GMIP: variants seen among roughly 807,000 people sequenced by gnomAD.
GMIP encodes GEM-interacting protein.
GMIP carries 54 observed loss-of-function variants against 105.3 expected under a neutral mutation model. The observed-to-expected ratio is 0.51, with a 90% CI of 0.41 to 0.64. The LOEUF is 0.64. Among genes scored for constraint, GMIP ranks in the 30% least tolerant of loss-of-function variants. The probability of loss-of-function intolerance (pLI) is 0.00; values close to 1 mark genes in which losing one functional copy is unlikely to be tolerated. For synonymous variants in GMIP, 541 were observed against 560.8 expected, an observed-to-expected ratio of 0.96 and a Z score of 0.50; for missense variants, 1,110 against 1,319.4, an observed-to-expected ratio of 0.84 and a Z score of 2.46.
Position 19,635,553 on chromosome 19 carries a change from C to T in GMIP, c.1422G>A (p.Leu474=), listed in dbSNP as rs753694296. The T allele has an allele frequency of 3.7e-6, 6 of 1,613,850 alleles. No individual in the cohort carries two copies. The African/African-American group carries it at 5.3e-5, about 14-fold the overall frequency. The change falls in exon 15 of 21, where the codon CTG becomes CTA. Residue 474 remains leucine (L), a synonymous_variant. Transcript: ENST00000203556. This position sits in a 1 kb window ranked among gnomAD's most constrained non-coding sequence, Gnocchi z 4.7. ...CGAAGGGGCTGCCCAGCCCATTCTC[C>T]AGCCCGTCTCCCAGGTCTGCAGGGA... The part of the protein sequence containing the change: ...EERDPDLGDG[L]ENGLGSPFGK...
At position 19,638,450 on chromosome 19, in the gene GMIP, C is replaced by A; in HGVS notation, c.570G>T (p.Lys190Asn). The A allele has an allele frequency of 6.2e-7, 1 of 1,614,208 alleles. No individual in the cohort carries two copies. Among genetic ancestry groups the A allele is most frequent in the Non-Finnish European group, 8.5e-7 (1 of 1,180,030 alleles). ...PLAAKRTEIE[K>N]WRKEFKEQWM... Reference sequence around the variant, plus strand: ...ACTGCTCCTTGAACTCCTTCCGCCACTTCTCAATCTCAGTCCGTTTGGCGG... The same window carrying A: ...ACTGCTCCTTGAACTCCTTCCGCCAATTCTCAATCTCAGTCCGTTTGGCGG... Residue 190 changes from lysine (K) to asparagine (N), a missense_variant, in exon 8 of 21, where the codon AAG becomes AAT. Lys to Asn is a moderately conservative substitution (Grantham distance 94, BLOSUM62 0). Coordinates refer to ENST00000203556, the MANE Select transcript of GMIP (RefSeq NM_016573.4).
chr19:19,643,204 C>G (rs560494357), intron 1 of GMIP: 2 of 369,732 alleles, frequency 5.4e-6, no homozygotes, highest in Non-Finnish European at 9.8e-6. Flanking sequence ...CCGCGTTGCC[C>G]TCTCCCTCAG....
chr19:19,635,284 T>A lies in GMIP; in HGVS notation c.1561-71A>T. On this transcript the variant is annotated intron_variant, in intron 15 of 20. Coordinates refer to ENST00000203556, the MANE Select transcript of GMIP (RefSeq NM_016573.4). The surrounding 1 kb of genome is among the most constrained non-coding windows in gnomAD (Gnocchi z 4.7). ...GGGGAAGAGAAGGTTACAAGGATCCTCAAGGAATGGGGGCTCATGGGAGAC... is the reference window on the plus strand; with the variant it reads ...GGGGAAGAGAAGGTTACAAGGATCCACAAGGAATGGGGGCTCATGGGAGAC... 6.5e-7 allele frequency: 1 copy of A among 1,533,784 alleles called. No homozygotes were observed. Among genetic ancestry groups the A allele is most frequent in the Non-Finnish European group, 8.9e-7 (1 of 1,119,010 alleles).
intron 2 of GMIP, 102 bp from the exon 3 acceptor site, chr19:19,642,153 G>A (rs1324049158): frequency 7.4e-6 from 5 of 679,922 alleles, no homozygotes; most frequent in African/African-American, 3.6e-5. Context: ...TCACCTCTGT[G>A]GCATCTCTTG....
At position 19,634,825 on chromosome 19, in the gene GMIP, G is replaced by A. The variant is rs750217587; in HGVS notation, c.1854C>T (p.Asp618=). The A allele has an allele frequency of 8.1e-6, 13 of 1,613,712 alleles. No individual in the cohort carries two copies. Among genetic ancestry groups the A allele is most frequent in the East Asian group, 2.2e-5 (1 of 44,890 alleles). ...GAAATCGCTTGAGGACACTCGAGAC[G>A]TCATGAGGCGAGTTCCCCGACAGCT... ...LVELSGNSPH[D]VSSVLKRFLQ... The change falls in exon 17 of 21, where the codon GAC becomes GAT. Residue 618 remains aspartate (D), a synonymous_variant. Transcript: ENST00000203556. The surrounding 1 kb of genome is among the most constrained non-coding windows in gnomAD (Gnocchi z 6.1).
In GMIP at chr19:19,638,252, C is replaced by T; in HGVS notation, c.696G>A (p.Gln232=). The change falls in exon 9 of 21, where the codon CAG becomes CAA. Residue 232 remains glutamine, a synonymous_variant. Transcript: ENST00000203556. ...GGGGGGCCGAGTCCTCAGGGGACCC[C>T]TGGGAGCGTGCCCGCAGGTCCTCGC... is the stretch of plus-strand genomic sequence containing the variant. ...QRSEDLRARS[Q]GSPEDSAPQA... 2 of 1,604,402 alleles carry T rather than the reference C, an allele frequency of 1.2e-6. No homozygotes were observed. The highest frequency in any genetic ancestry group is 2.2e-5 in the South Asian group (2 of 90,914).
In GMIP at chr19:19,637,389, T is replaced by C. The variant is rs774931632; in HGVS notation, c.1100A>G (p.Gln367Arg). 1.3e-6 allele frequency: 2 copies of C among 1,508,410 alleles called. No homozygotes were observed. The highest frequency in any genetic ancestry group is 1.3e-5 in the South Asian group (1 of 74,474). 93.4% of individuals were successfully genotyped at this position (1,508,410 alleles called of 1,614,324 possible). The change falls in exon 11 of 21, where the codon CAG becomes CGG. Residue 367 changes from glutamine to arginine, a missense_variant. Coordinates refer to ENST00000203556, the MANE Select transcript of GMIP (RefSeq NM_016573.4). The surrounding 1 kb of genome is among the most constrained non-coding windows in gnomAD (Gnocchi z 6.7). Reference sequence around the variant, plus strand: ...CCTGTTCAAGGAGGGAAGGAACTCCTGGAAGGAGAAGGCGGGCGGCGGGGG... The same window carrying C: ...CCTGTTCAAGGAGGGAAGGAACTCCCGGAAGGAGAAGGCGGGCGGCGGGGG... Reference protein sequence around the residue: ...PPPPPPAFSFQEFLPSLNSSP... With the variant: ...PPPPPPAFSFREFLPSLNSSP...
At chr19:19,640,213 T>A in intron 6 of GMIP, 21 bp from the exon 7 acceptor site, 1 of 1,561,298 alleles carries the variant, frequency 6.4e-7, no homozygotes, top group East Asian at 2.4e-5. Context: ...CAGAGTGGTG[T>A]AGGAGGATAC....
In GMIP at chr19:19,629,685, A is replaced by G. The variant is rs1487144961; in HGVS notation, c.*278T>C. 4.2e-6 allele frequency: 2 copies of G among 472,694 alleles called. No individual in the cohort carries two copies. Among genetic ancestry groups the G allele is most frequent in the African/African-American group, 4.0e-5 (2 of 49,890 alleles). 29.3% of individuals were successfully genotyped at this position (472,694 alleles called of 1,614,324 possible). On this transcript the variant is annotated 3_prime_UTR_variant, in exon 21 of 21. Transcript: ENST00000203556. ...CCCAAGGATCTCATAACCTGCACTG[A>G]CCCTGAGTATTGACCCTGAGTGACC...
At position 19,629,872 on chromosome 19, in the gene GMIP, G is replaced by A. The variant is rs180816762; in HGVS notation, c.*91C>T. 2.3e-4 allele frequency: 288 copies of A among 1,271,452 alleles called. No homozygotes were observed. The African/African-American group carries it at 3.3e-3, about 15-fold the overall frequency. The allele number at this position is 1,271,452 out of a possible 1,614,324, so 78.8% of individuals were successfully genotyped here. On this transcript the variant is annotated 3_prime_UTR_variant, in exon 21 of 21. Transcript: ENST00000203556. ...CCTCTCCCAGCATTGAACTCCTGGCGGGGTGTTTGGCCACTAGGTGGTGGG... is the reference window on the plus strand; with the variant it reads ...CCTCTCCCAGCATTGAACTCCTGGCAGGGTGTTTGGCCACTAGGTGGTGGG...
At chr19:19,638,909 C>A (rs1248738318) in intron 7 of GMIP, among the ~76,000 whole-genome samples, 1 of 151,358 alleles carries the variant, frequency 6.6e-6, no homozygotes, top group African/African-American at 2.4e-5. Flanking sequence ...GGTGAAACCC[C>A]GTCTCTACAA....
In GMIP at chr19:19,634,766, TC is replaced by T. The variant is rs746723218; in HGVS notation, c.1887+25del. On this transcript the variant is annotated intron_variant, in intron 17 of 20. Transcript: ENST00000203556. This position sits in a 1 kb window ranked among gnomAD's most constrained non-coding sequence, Gnocchi z 6.1. ...GGGCTGTGGAGGGCTCCTGCCCGCG[TC>T]CCCCTCAGTGTCCTGAGCACCAACC... The T allele has an allele frequency of 4.7e-5, 75 of 1,611,992 alleles. No individual in the cohort carries two copies. In the African/African-American group the frequency reaches 8.4e-4, roughly 18 times the overall value.
At chr19:19,631,551 T>C (rs2061795460) in intron 19 of GMIP, among the ~76,000 whole-genome samples, 1 of 152,196 alleles carries the variant, frequency 6.6e-6, no homozygotes, top group South Asian at 2.1e-4. Flanking sequence ...AGATCCTTGC[T>C]CTCAGGAATG....
intron 4 of GMIP, among the ~76,000 whole-genome samples, chr19:19,641,224 G>A (rs1419253644): frequency 6.6e-6 from 1 of 152,084 alleles, no homozygotes; most frequent in East Asian, 1.9e-4. Flanking sequence ...GGGACTACAG[G>A]CACTCGCCAC....
In GMIP at chr19:19,640,558, G is replaced by A. The variant is rs764055087; in HGVS notation, c.252C>T (p.Asp84=). The A allele has an allele frequency of 6.2e-7, 1 of 1,613,938 alleles. No individual in the cohort carries two copies. Among genetic ancestry groups the A allele is most frequent in the South Asian group, 1.1e-5 (1 of 91,076 alleles). The change falls in exon 5 of 21, where the codon GAC becomes GAT. Residue 84 remains aspartate, a synonymous_variant. Transcript: ENST00000203556. ...GPVPLTGEEL[D]LRLIRTKGGV... is the part of the protein sequence containing the mutation. Reference sequence around the variant, plus strand: ...CCCCCTTTGTCCGAATGAGCCGCAAGTCCAGTTCCTCCCCTGGGGAAGATG... The same window carrying A: ...CCCCCTTTGTCCGAATGAGCCGCAAATCCAGTTCCTCCCCTGGGGAAGATG...
At chr19:19,636,584 T>C in intron 13 of GMIP, 123 bp downstream of exon 13, 1 of 708,232 alleles carries the variant, frequency 1.4e-6, no homozygotes, top group Admixed American at 2.3e-5. Context: ...GTTGAGGAAA[T>C]AGGTCAGGGG....
intron 19 of GMIP, among the ~76,000 whole-genome samples, chr19:19,631,251 T>C (rs2061792719): frequency 6.6e-6 from 1 of 152,166 alleles, no homozygotes; most frequent in African/African-American, 2.4e-5. Context: ...AGCAGTGTCA[T>C]TCATTGAGTC....
Position 19,637,113 on chromosome 19 carries a change from C to T in GMIP, c.1125-84G>A, listed in dbSNP as rs2144856476. Reference sequence around the variant, plus strand: ...CCCAGGCATCATGTCTAGGTACCAACTCCAAGCACTTGGGTCTGCAAACCC... The same window carrying T: ...CCCAGGCATCATGTCTAGGTACCAATTCCAAGCACTTGGGTCTGCAAACCC... On this transcript the variant is annotated intron_variant, in intron 11 of 20. Transcript: ENST00000203556. The surrounding 1 kb of genome is among the most constrained non-coding windows in gnomAD (Gnocchi z 6.7). 4.5e-6 allele frequency: 4 copies of T among 896,594 alleles called. No homozygotes were observed. In the Middle Eastern group the frequency reaches 7.1e-4, roughly 158 times the overall value. 55.5% of individuals were successfully genotyped at this position (896,594 alleles called of 1,614,324 possible). A position where few individuals can be genotyped will look rare whatever the true frequency, so the allele number is the denominator to read the frequency against.
Position 19,640,144 on chromosome 19 carries a change from G to A in GMIP, c.478C>T (p.Leu160Phe). ...TCCATGGCCAGGGTTCCCAGGCTGA[G>A]ATCGTGCTCCAGAAACAGGGTGTAG... ...YIYTLFLEHDLSLGTLAMETV... is the reference protein window; with the variant it reads ...YIYTLFLEHDFSLGTLAMETV... The change falls in exon 7 of 21, where the codon CTC (leucine) becomes TTC (phenylalanine). Residue 160 changes from leucine (L) to phenylalanine (F), a missense_variant. Physicochemically the swap from Leu to Phe is conservative, Grantham distance 22. Around this residue, in one of 3 missense-constraint regions of GMIP, gnomAD observed 667 missense variants for 773.2 expected, o/e 0.86. Coordinates refer to ENST00000203556, the MANE Select transcript of GMIP (RefSeq NM_016573.4). The A allele has an allele frequency of 2.5e-6, 4 of 1,613,946 alleles. No homozygotes were observed. Among genetic ancestry groups the A allele is most frequent in the Non-Finnish European group, 3.4e-6 (4 of 1,179,844 alleles).
Sources: gnomAD v4.1 joint callset for allele counts (sites outside exome capture counted in the v4.1 genomes callset) on GRCh38, gnomAD v4.1.1 for gene constraint, gnomAD v4.1.1 regional missense constraint, Gnocchi (gnomAD v3.1) non-coding constraint, MANE v1.5 for transcripts, NCBI Gene and HGNC (gene_info 2026-07-23, HGNC 2026-07-21) for gene names.